Variants in PCBD2 observed in about 807,000 individuals in gnomAD.
PCBD2 encodes the protein pterin-4-alpha-carbinolamine dehydratase 2.
A neutral mutation model predicts 16.4 loss-of-function variants in PCBD2; 12 were observed. The observed-to-expected ratio is 0.73, with a 90% CI of 0.47 to 1.19. The LOEUF is 1.19. Ranked by LOEUF, PCBD2 falls within the 50% of genes most tolerant of loss-of-function variation. The probability of loss-of-function intolerance (pLI) is 0.00; values close to 1 mark genes in which losing one functional copy is unlikely to be tolerated. For missense variants in PCBD2, 138 were observed against 156.8 expected (o/e 0.88, Z 0.64); for synonymous variants, 58 against 61.8 (o/e 0.94, Z 0.29).
intron 2 of PCBD2, chr5:134,926,364 A>G (rs76152137): frequency 4.5e-5 from 17 of 379,330 alleles, no homozygotes; most frequent in Admixed American, 9.1e-5. Flanking sequence ...CTTAATGGGG[A>G]TATGAGTTTT....
chr5:134,929,552 G>A (rs1319852394), intron 2 of PCBD2, among the ~76,000 whole-genome samples: 1 of 152,134 alleles, frequency 6.6e-6, no homozygotes, highest in Non-Finnish European at 1.5e-5. Context: ...GCACAGGACA[G>A]CCTGGAGAGG....
At chr5:134,918,087 G>A (rs1017830986) in intron 2 of PCBD2, among the ~76,000 whole-genome samples, 4 of 152,176 alleles carry the variant, frequency 2.6e-5, no homozygotes, top group Non-Finnish European at 2.9e-5. Context: ...TCTTTGTTGT[G>A]CACATCAAAG....
At chr5:134,921,865 G>A (rs1365292321) in intron 2 of PCBD2, among the ~76,000 whole-genome samples, 1 of 152,098 alleles carries the variant, frequency 6.6e-6, no homozygotes, top group Non-Finnish European at 1.5e-5. Flanking sequence ...TGCTTCCACT[G>A]GCCTGCGTGC....
intron 2 of PCBD2, chr5:134,925,108 A>G: frequency 7.5e-6 from 3 of 397,378 alleles, no homozygotes; most frequent in Non-Finnish European, 8.9e-6. Context: ...AATGGGGTTT[A>G]GTAGGGTGGG....
At chr5:134,918,557 C>T (rs1219916417) in intron 2 of PCBD2, among the ~76,000 whole-genome samples, 1 of 152,186 alleles carries the variant, frequency 6.6e-6, no homozygotes, top group African/African-American at 2.4e-5. Context: ...AAAGTATAAG[C>T]TAGTGTTTGT....
At chr5:134,959,629 C>T (rs1751453004) in intron 3 of PCBD2, among the ~76,000 whole-genome samples, 1 of 152,020 alleles carries the variant, frequency 6.6e-6, no homozygotes, top group Non-Finnish European at 1.5e-5. Context: ...GTGTCCTTGC[C>T]TTTATGGTCA....
chr5:134,946,994 G>A (rs536582608), intron 2 of PCBD2, among the ~76,000 whole-genome samples: 19 of 152,052 alleles, frequency 1.2e-4, no homozygotes, highest in Non-Finnish European at 2.2e-4. Flanking sequence ...CTGGAATTAT[G>A]TAGTGTTAGT....
chr5:134,931,263 T>C (rs769146340), intron 2 of PCBD2, among the ~76,000 whole-genome samples: 4 of 152,160 alleles, frequency 2.6e-5, no homozygotes, highest in Admixed American at 6.5e-5. Context: ...CTAAAATATA[T>C]TGGCAGTAAT....
chr5:134,928,875 G>T (rs1751055476), intron 2 of PCBD2, among the ~76,000 whole-genome samples: 1 of 152,148 alleles, frequency 6.6e-6, no homozygotes, highest in South Asian at 2.1e-4. Flanking sequence ...GATATTTACT[G>T]AGCTGGGGAA....
chr5:134,959,117 C>T lies in PCBD2; in HGVS notation c.294C>T (p.Asn98=), dbSNP rs1250137058. Residue 98 remains asparagine, a synonymous_variant, in exon 3 of 4, where the codon AAC becomes AAT. Coordinates refer to ENST00000254908, the MANE Select transcript of PCBD2 (RefSeq NM_032151.5). The part of the protein sequence containing the change: ...NHHPEWFNVY[N]KVQITLTSHD... ...ACCCAGAATGGTTCAATGTATACAA[C>T]AAGGTAACTAAACTGCCTTATTTGG... 1 of 1,609,086 alleles carries T rather than the reference C, an allele frequency of 6.2e-7. No individual in the cohort carries two copies. Among genetic ancestry groups the T allele is most frequent in the Admixed American group, 1.7e-5 (1 of 59,492 alleles).
At chr5:134,915,367 C>A (rs60247652) in intron 2 of PCBD2, among the ~76,000 whole-genome samples, 1 of 148,794 alleles carries the variant, frequency 6.7e-6, no homozygotes, top group African/African-American at 2.5e-5. Context: ...AATTTATCTT[C>A]TAAATATTGT....
chr5:134,951,349 G>A (rs1580893617), intron 2 of PCBD2, among the ~76,000 whole-genome samples: 1 of 152,098 alleles, frequency 6.6e-6, no homozygotes, highest in African/African-American at 2.4e-5. Context: ...AGGATAAATG[G>A]TTTCCTTGTT....
intron 2 of PCBD2, among the ~76,000 whole-genome samples, chr5:134,934,562 G>A (rs776358636): frequency 1.3e-5 from 2 of 152,200 alleles, no homozygotes; most frequent in Non-Finnish European, 2.9e-5. Context: ...ATTCATAACT[G>A]TCTTACATTC....
chr5:134,936,909 C>T (rs774385173), intron 2 of PCBD2, among the ~76,000 whole-genome samples: 10 of 152,176 alleles, frequency 6.6e-5, no homozygotes, highest in Non-Finnish European at 1.3e-4. Context: ...TTGAAGTGCA[C>T]ATTGCCAGAT....
chr5:134,956,030 G>A (rs1751411335), intron 2 of PCBD2, among the ~76,000 whole-genome samples: 1 of 152,160 alleles, frequency 6.6e-6, no homozygotes, highest in South Asian at 2.1e-4. Context: ...TTTGAAAGAA[G>A]TTTTTAATTT....
chr5:134,924,294 A>G (rs878861777), intron 2 of PCBD2: 3 of 393,618 alleles, frequency 7.6e-6, no homozygotes, highest in Non-Finnish European at 1.3e-5. Context: ...GGTTTTTTTA[A>G]TTTATTTGGG....
At chr5:134,954,797 AG>A (rs1311913317) in intron 2 of PCBD2, among the ~76,000 whole-genome samples, 1 of 151,446 alleles carries the variant, frequency 6.6e-6, no homozygotes, top group Non-Finnish European at 1.5e-5. Context: ...GCTGGAGTGC[AG>A]TGGTGCGATC....
chr5:134,905,987 C>T (rs1306606175), intron 1 of PCBD2, among the ~76,000 whole-genome samples: 1 of 151,928 alleles, frequency 6.6e-6, no homozygotes, highest in Non-Finnish European at 1.5e-5. Context: ...ATTCTCCTGC[C>T]TCACCCTCCC....
chr5:134,912,769 GAA>G (rs1750784024), intron 2 of PCBD2, among the ~76,000 whole-genome samples: 1 of 152,086 alleles, frequency 6.6e-6, no homozygotes, highest in Non-Finnish European at 1.5e-5. Flanking sequence ...GTTGATGTTC[GAA>G]AGGAGAGCAC....
Sources: gnomAD v4.1 joint callset for allele counts (sites outside exome capture counted in the v4.1 genomes callset) on GRCh38, gnomAD v4.1.1 for gene constraint, MANE v1.5 for transcripts, NCBI Gene and HGNC (gene_info 2026-07-23, HGNC 2026-07-21) for gene names.